Variants in LRBA observed in about 807,000 individuals in gnomAD.
LRBA encodes LPS responsive beige-like anchor protein, also known as lipopolysaccharide-responsive and beige-like anchor protein.
A neutral mutation model predicts 330.0 loss-of-function variants in LRBA; 176 were observed. The observed-to-expected ratio is 0.53, with a 90% CI of 0.47 to 0.60. The LOEUF is 0.60. Among genes scored for constraint, LRBA ranks in the 20% least tolerant of loss-of-function variants. The pLI, the probability that LRBA is intolerant of heterozygous loss-of-function variation, is 0.00. For missense variants in LRBA, 3,259 were observed against 3,444.8 expected (o/e 0.95, Z 1.35); for synonymous variants, 1,230 against 1,193.0 (o/e 1.03, Z -0.64).
chr4:150,454,196 T>C (rs754472969), intron 44 of LRBA, among the ~76,000 whole-genome samples: 6 of 152,056 alleles, frequency 3.9e-5, no homozygotes, highest in Non-Finnish European at 7.4e-5. Flanking sequence ...CCTGACCTCA[T>C]GATCTGACCG....
chr4:150,802,281 T>C (rs1478906458), intron 33 of LRBA, among the ~76,000 whole-genome samples: 4 of 147,996 alleles, frequency 2.7e-5, no homozygotes, highest in Non-Finnish European at 4.5e-5. Flanking sequence ...CGACAGAGGC[T>C]AATAAACAAG....
rs1479408933 is a variant in LRBA at position 150,321,452 on chromosome 4, G to A, written c.7453-84C>T. 5.8e-6 allele frequency: 7 copies of A among 1,202,172 alleles called. No individual in the cohort carries two copies. The highest frequency in any genetic ancestry group is 1.7e-5 in the South Asian group (1 of 59,198). 74.5% of individuals were successfully genotyped at this position (1,202,172 alleles called of 1,614,324 possible). A position where few individuals can be genotyped will look rare whatever the true frequency, so the allele number is the denominator to read the frequency against. ...AGATGAAGAAAGACAAGAAAGAGAG[G>A]GGGTGCAGGAAAAGAAGAGGAAGAC... On this transcript the variant is annotated intron_variant, in intron 49 of 56. Transcript: ENST00000651943. This position sits in a 1 kb window ranked among gnomAD's most constrained non-coding sequence, Gnocchi z 4.5.
At chr4:150,908,540 A>G (rs1731596642) in intron 10 of LRBA, 73 bp from the exon 11 acceptor site, 2 of 1,481,430 alleles carry the variant, frequency 1.4e-6, no homozygotes, top group East Asian at 2.3e-5. Flanking sequence ...AGGCACAACA[A>G]TAAATGCAGA....
chr4:150,553,932 G>A (rs1281264307), intron 40 of LRBA, among the ~76,000 whole-genome samples: 1 of 152,144 alleles, frequency 6.6e-6, no homozygotes, highest in African/African-American at 2.4e-5. Flanking sequence ...TAAAGTCAGA[G>A]TTATCATCAG....
chr4:150,501,533 G>A (rs1316850819), intron 40 of LRBA, among the ~76,000 whole-genome samples: 1 of 151,898 alleles, frequency 6.6e-6, no homozygotes, highest in East Asian at 1.9e-4. Flanking sequence ...AATCACTTGG[G>A]CCTGGGATGC....
In LRBA at chr4:150,321,454, G is replaced by C. The variant is rs1732507631; in HGVS notation, c.7453-86C>G. On this transcript the variant is annotated intron_variant, in intron 49 of 56. Transcript: ENST00000651943. The surrounding 1 kb of genome is among the most constrained non-coding windows in gnomAD (Gnocchi z 4.5). ...ATGAAGAAAGACAAGAAAGAGAGGG[G>C]GTGCAGGAAAAGAAGAGGAAGACCA... is the stretch of plus-strand genomic sequence containing the variant. 1.7e-6 allele frequency: 2 copies of C among 1,188,834 alleles called. No homozygotes were observed. The highest frequency in any genetic ancestry group is 5.9e-5 in the Admixed American group (2 of 34,156). The allele number at this position is 1,188,834 out of a possible 1,614,324, so 73.6% of individuals were successfully genotyped here.
intron 30 of LRBA, among the ~76,000 whole-genome samples, chr4:150,823,483 C>T (rs574721779): frequency 6.6e-6 from 1 of 152,142 alleles, no homozygotes; most frequent in East Asian, 1.9e-4. Context: ...TCTCATCTGT[C>T]CATGTTTGCT....
chr4:150,983,398 T>A (rs566547611), intron 2 of LRBA, among the ~76,000 whole-genome samples: 1 of 150,278 alleles, frequency 6.7e-6, no homozygotes, highest in East Asian at 2.0e-4. Flanking sequence ...GAGGCTGCAG[T>A]GAGCTGTGTT....
Position 150,696,844 on chromosome 4 carries a change from C to CAA in LRBA, c.5755-13129_5755-13128dup, listed in dbSNP as rs35188689. On this transcript the variant is annotated intron_variant, in intron 36 of 56. Coordinates refer to ENST00000651943, the MANE Select transcript of LRBA (RefSeq NM_001364905.1). ...TAGAGATGGCAAAGTCCCATCTCCA[C>CAA]AAAAAAAAAAAATACAAAAATTAGC... Among the ~76,000 whole-genome samples the CAA allele has an allele frequency of 7.7e-3, 1,054 of 137,702 alleles. 3 individuals are homozygous for CAA. The highest frequency in any genetic ancestry group is 0.014 in the Middle Eastern group (4 of 276). The allele number at this position is 137,702 out of a possible 152,430, so 90.3% of individuals were successfully genotyped here.
intron 36 of LRBA, among the ~76,000 whole-genome samples, chr4:150,697,917 C>T (rs1247940504): frequency 6.6e-6 from 1 of 151,904 alleles, no homozygotes; most frequent in Non-Finnish European, 1.5e-5. Flanking sequence ...TATTCAATTT[C>T]TGTACTCAGC....
chr4:150,570,263 G>A (rs915114071), intron 40 of LRBA, among the ~76,000 whole-genome samples: 1 of 152,052 alleles, frequency 6.6e-6, no homozygotes, highest in Admixed American at 6.6e-5. Flanking sequence ...ACAATAGGGG[G>A]CTAAAAGGCC....
In LRBA at chr4:150,597,186, T is replaced by C; in HGVS notation, c.6046+1821A>G. ...CGAGAGTAATCAGAGTGAAATCTAC[T>C]TCTATACAAGTCAAGAGTCTTAGGA... On this transcript the variant is annotated intron_variant, in intron 38 of 56. Coordinates refer to ENST00000651943, the MANE Select transcript of LRBA (RefSeq NM_001364905.1). 6.8e-6 allele frequency: 5 copies of C among 738,040 alleles called. No individual in the cohort carries two copies. In the East Asian group the frequency reaches 1.2e-4, roughly 17 times the overall value. The allele number at this position is 738,040 out of a possible 1,614,324, so 45.7% of individuals were successfully genotyped here.
At chr4:150,584,652 T>C (rs982120844) in intron 40 of LRBA, 6 of 167,076 alleles carry the variant, frequency 3.6e-5, no homozygotes, top group African/African-American at 1.2e-4. Context: ...CCCTGAGCTG[T>C]CTTGTTGAAA....
intron 2 of LRBA, among the ~76,000 whole-genome samples, chr4:150,988,964 TATC>T (rs1477301251): frequency 6.6e-6 from 1 of 152,016 alleles, no homozygotes; most frequent in Non-Finnish European, 1.5e-5. Context: ...ACACGGTAAT[TATC>T]ATTAATTAAG....
At chr4:150,364,772 A>G (rs1739203972) in intron 47 of LRBA, among the ~76,000 whole-genome samples, 1 of 152,106 alleles carries the variant, frequency 6.6e-6, no homozygotes, top group Non-Finnish European at 1.5e-5. Flanking sequence ...ATTAACTGGA[A>G]TGTAAGCTCC....
At chr4:150,400,240 A>G (rs1745286517) in intron 47 of LRBA, among the ~76,000 whole-genome samples, 3 of 152,200 alleles carry the variant, frequency 2.0e-5, no homozygotes. Context: ...TATTTGTGAG[A>G]GCCTCCAATT....
At chr4:150,558,840 C>T (rs1033510153) in intron 40 of LRBA, among the ~76,000 whole-genome samples, 1 of 152,050 alleles carries the variant, frequency 6.6e-6, no homozygotes, top group Non-Finnish European at 1.5e-5. Flanking sequence ...TAATCTAGTA[C>T]CACATGATTT....
intron 44 of LRBA, among the ~76,000 whole-genome samples, chr4:150,451,584 T>C (rs577026937): frequency 2.4e-4 from 37 of 152,294 alleles, no homozygotes; most frequent in African/African-American, 8.7e-4. Context: ...TAGTGCTAAA[T>C]GCTTATATTA....
chr4:150,376,166 G>A (rs532033687), intron 47 of LRBA, among the ~76,000 whole-genome samples: 259 of 152,246 alleles, frequency 1.7e-3, no homozygotes, highest in Non-Finnish European at 3.1e-3. Context: ...ATGAAGTAAT[G>A]CAACCCCCAC....
Sources: gnomAD v4.1 joint callset for allele counts (sites outside exome capture counted in the v4.1 genomes callset) on GRCh38, gnomAD v4.1.1 for gene constraint, Gnocchi (gnomAD v3.1) non-coding constraint, MANE v1.5 for transcripts, NCBI Gene and HGNC (gene_info 2026-07-23, HGNC 2026-07-21) for gene names.